The following PPP4R1 variants were observed in gnomAD, a reference collection of about 807,000 sequenced individuals.
The protein encoded by PPP4R1 is protein phosphatase 4 regulatory subunit 1.
In PPP4R1, 42 loss-of-function variants were observed where a neutral mutation model predicts 111.2. That is an observed-to-expected ratio of 0.38 (90% CI 0.29 to 0.49). The LOEUF is 0.49. Among genes scored for constraint, PPP4R1 ranks in the 20% least tolerant of loss-of-function variants. PPP4R1 has a pLI of 0.97. For missense variants in PPP4R1, 1,012 were observed against 1,161.6 expected (o/e 0.87, Z 1.87); for synonymous variants, 409 against 405.5 (o/e 1.01, Z -0.10).
chr18:9,572,671 C>G (rs1461002481), intron 10 of PPP4R1, among the ~76,000 whole-genome samples: 1 of 152,140 alleles, frequency 6.6e-6, no homozygotes, highest in African/African-American at 2.4e-5. Context: ...TGTGAGCTCC[C>G]ACTTAAACAG....
At chr18:9,559,756 C>A in intron 13 of PPP4R1, 152 bp from the exon 14 acceptor site, 23 of 408,568 alleles carry the variant, frequency 5.6e-5, no homozygotes, top group Non-Finnish European at 5.9e-5. Context: ...GTTCAGGTAT[C>A]TAATAACTAA....
chr18:9,574,458 A>G (rs1313401913), intron 10 of PPP4R1, among the ~76,000 whole-genome samples: 1 of 152,246 alleles, frequency 6.6e-6, no homozygotes, highest in East Asian at 1.9e-4. Flanking sequence ...TTTAGCATTC[A>G]TGAAATATTT....
At chr18:9,609,609 G>A (rs895255896) in intron 2 of PPP4R1, among the ~76,000 whole-genome samples, 2 of 152,246 alleles carry the variant, frequency 1.3e-5, no homozygotes, top group South Asian at 2.1e-4. Flanking sequence ...CAATAACATA[G>A]CTTCAAAAAC....
chr18:9,588,101 T>C lies in PPP4R1; in HGVS notation c.573A>G (p.Thr191=), dbSNP rs2067150636. Residue 191 remains threonine (T), a synonymous_variant, in exon 6 of 20, where the codon ACA becomes ACG. Transcript: ENST00000400556. ...GCATTTGACTTACAGCCACAGCTTC[T>C]GTTTTCACATCATCATTGCTATCTG... The part of the protein sequence containing the change: ...TAPDSNDDVK[T]EAVAIMCKMA... 1 of 1,613,936 alleles carries C rather than the reference T, an allele frequency of 6.2e-7. No individual in the cohort carries two copies. Among genetic ancestry groups the C allele is most frequent in the South Asian group, 1.1e-5 (1 of 91,016 alleles).
At chr18:9,583,539 G>A (rs1467318337) in intron 8 of PPP4R1, among the ~76,000 whole-genome samples, 1 of 151,382 alleles carries the variant, frequency 6.6e-6, no homozygotes, top group Non-Finnish European at 1.5e-5. Flanking sequence ...GCTAATTTTT[G>A]TATTTTTAGT....
At chr18:9,595,183 A>T (rs2067271985) in intron 2 of PPP4R1, 30 bp from the exon 3 acceptor site, 1 of 1,603,036 alleles carries the variant, frequency 6.2e-7, no homozygotes, top group African/African-American at 1.3e-5. Context: ...TACTCCTTAT[A>T]ACACTTTGAA....
chr18:9,583,756 G>A (rs1016822424), intron 8 of PPP4R1, among the ~76,000 whole-genome samples: 1 of 151,806 alleles, frequency 6.6e-6, no homozygotes, highest in Non-Finnish European at 1.5e-5. Flanking sequence ...CTAATTTACT[G>A]TCTATTCCTA....
At chr18:9,593,206 G>C (rs900350616) in intron 4 of PPP4R1, among the ~76,000 whole-genome samples, 1 of 152,068 alleles carries the variant, frequency 6.6e-6, no homozygotes, top group African/African-American at 2.4e-5. Flanking sequence ...CCTTAAAATA[G>C]TTTTATGTGT....
At chr18:9,594,823 G>T in intron 3 of PPP4R1, 195 bp downstream of exon 3, 1 of 506,158 alleles carries the variant, frequency 2.0e-6, no homozygotes, top group Non-Finnish European at 3.2e-6. Context: ...TGCAAAGAAA[G>T]CATGTTGTAT....
chr18:9,576,609 C>T (rs967290208), intron 10 of PPP4R1, among the ~76,000 whole-genome samples: 4 of 151,892 alleles, frequency 2.6e-5, no homozygotes, highest in African/African-American at 9.7e-5. Flanking sequence ...ATCCAAGATG[C>T]GCAACTAAAT....
chr18:9,557,562 T>C (rs1477765905), intron 14 of PPP4R1, among the ~76,000 whole-genome samples, 180 bp from the exon 15 acceptor site: 3 of 152,272 alleles, frequency 2.0e-5, no homozygotes, highest in African/African-American at 7.2e-5. Context: ...CAGAAACATT[T>C]TAAATCCCTG....
chr18:9,551,613 G>C (rs1224214366), intron 16 of PPP4R1: 5 of 152,268 alleles, frequency 3.3e-5, no homozygotes, highest in African/African-American at 1.2e-4. Context: ...CAAGCACTCT[G>C]CTGGGCCCTT....
rs201330292 is a variant in PPP4R1, at chr18:9,588,123, T to C, written c.551A>G (p.Asp184Gly). Residue 184 changes from aspartate to glycine, a missense_variant, in exon 6 of 20, where the codon GAT (aspartate) becomes GGT (glycine). By Grantham distance (94) the Asp-to-Gly change is moderately conservative (BLOSUM62 -1). Around this residue, in one of 2 missense-constraint regions of PPP4R1, gnomAD observed 707 missense variants for 742.1 expected, o/e 0.95. Transcript: ENST00000400556. ...TTCTGTTTTCACATCATCATTGCTA[T>C]CTGGGGCTGTCAGCTCTATGAGGAC... Reference protein sequence around the residue: ...CPVLIELTAPDSNDDVKTEAV... With the variant: ...CPVLIELTAPGSNDDVKTEAV... 8.1e-5 allele frequency: 130 copies of C among 1,614,070 alleles called. 1 individual carries two copies. The highest frequency in any genetic ancestry group is 4.9e-4 in the Middle Eastern group (3 of 6,084).
At chr18:9,585,238 G>T (rs1316938928) in intron 6 of PPP4R1, among the ~76,000 whole-genome samples, 1 of 152,106 alleles carries the variant, frequency 6.6e-6, no homozygotes, top group Non-Finnish European at 1.5e-5. Flanking sequence ...CTATCCCCAG[G>T]AAAGATCTAG....
At chr18:9,581,453 A>T (rs2145179352) in intron 9 of PPP4R1, among the ~76,000 whole-genome samples, 1 of 152,314 alleles carries the variant, frequency 6.6e-6, no homozygotes, top group South Asian at 2.1e-4. Flanking sequence ...ACATGAGCTC[A>T]ACAGTAGATC....
At chr18:9,555,782 G>A (rs2066563064) in intron 15 of PPP4R1, among the ~76,000 whole-genome samples, 1 of 152,116 alleles carries the variant, frequency 6.6e-6, no homozygotes, top group Non-Finnish European at 1.5e-5. Flanking sequence ...AATTTAATAT[G>A]CACTTTAAGG....
chr18:9,557,558 C>T (rs2066607404), intron 14 of PPP4R1, among the ~76,000 whole-genome samples, 176 bp from the exon 15 acceptor site: 1 of 152,294 alleles, frequency 6.6e-6, no homozygotes, highest in East Asian at 1.9e-4. Context: ...GTAACAGAAA[C>T]ATTTTAAATC....
intron 2 of PPP4R1, among the ~76,000 whole-genome samples, chr18:9,607,401 G>C (rs945265471): frequency 6.6e-6 from 1 of 150,796 alleles, no homozygotes; most frequent in Admixed American, 6.6e-5. Flanking sequence ...ATAAATGAAA[G>C]TCAAAACCGA....
At chr18:9,562,563 T>G (rs771530014) in intron 12 of PPP4R1, among the ~76,000 whole-genome samples, 1 of 152,182 alleles carries the variant, frequency 6.6e-6, no homozygotes, top group Non-Finnish European at 1.5e-5. Flanking sequence ...TATTCAAATC[T>G]CCAATAAATA....
Sources: allele counts gnomAD v4.1 joint callset (sites outside exome capture counted in the v4.1 genomes callset), GRCh38; gene constraint gnomAD v4.1.1; regional missense constraint gnomAD v4.1.1; transcripts MANE v1.5; gene names NCBI Gene and HGNC (gene_info 2026-07-23, HGNC 2026-07-21).